DENND5A: variants seen among roughly 807,000 people sequenced by gnomAD.
DENND5A encodes DENN domain containing 5A.
DENND5A carries 64 observed loss-of-function variants against 140.3 expected under a neutral mutation model. The observed-to-expected ratio is 0.46, with a 90% CI of 0.37 to 0.56. The LOEUF (loss-of-function observed/expected upper bound fraction) is 0.56, where lower values mean the gene tolerates loss of function less well. Among genes scored for constraint, DENND5A ranks in the 20% least tolerant of loss-of-function variants. The pLI is 0.00. For synonymous variants in DENND5A, 605 were observed against 607.7 expected, an observed-to-expected ratio of 1.00 and a Z score of 0.07; for missense variants, 1,292 against 1,593.8, an observed-to-expected ratio of 0.81 and a Z score of 3.22.
At chr11:9,204,839 C>A (rs1284147873) in intron 3 of DENND5A, among the ~76,000 whole-genome samples, 1 of 152,104 alleles carries the variant, frequency 6.6e-6, no homozygotes, top group African/African-American at 2.4e-5. Context: ...CCAGCCTGAG[C>A]GACAGAGCAA....
At chr11:9,170,560 G>T in intron 9 of DENND5A, 67 bp downstream of exon 9, 1 of 1,585,642 alleles carries the variant, frequency 6.3e-7, no homozygotes, top group Non-Finnish European at 8.6e-7. Context: ...AACAGCCCTA[G>T]CCCAGATACT....
chr11:9,250,293 A>T (rs1221506862), intron 1 of DENND5A, among the ~76,000 whole-genome samples: 1 of 152,040 alleles, frequency 6.6e-6, no homozygotes, highest in Non-Finnish European at 1.5e-5. Context: ...AGTTTCTTAG[A>T]AGCAAACCCC....
chr11:9,220,106 A>T (rs1329945253), intron 1 of DENND5A, among the ~76,000 whole-genome samples: 1 of 152,232 alleles, frequency 6.6e-6, no homozygotes, highest in Non-Finnish European at 1.5e-5. Flanking sequence ...GTCAAAAAAC[A>T]AGGTGGTATA....
At chr11:9,224,535 A>G (rs561745669) in intron 1 of DENND5A, among the ~76,000 whole-genome samples, 3 of 152,230 alleles carry the variant, frequency 2.0e-5, no homozygotes, top group Admixed American at 6.5e-5. Flanking sequence ...TCACCTGATT[A>G]GCCAATCTAC....
intron 1 of DENND5A, among the ~76,000 whole-genome samples, chr11:9,261,644 G>A (rs1292050287): frequency 1.3e-5 from 2 of 151,948 alleles, no homozygotes; most frequent in African/African-American, 2.4e-5. Flanking sequence ...CTGATGTGGT[G>A]GCACGCGCGG....
rs546109321 is a variant in DENND5A, at chr11:9,170,191, T to C, written c.2058-242A>G. ...GAAACATCTACAAACACTTGACATA[T>C]AGATCTAAAACTATATTCACTTAAC... On this transcript the variant is annotated intron_variant, in intron 9 of 22. Transcript: ENST00000328194. 4.1e-5 allele frequency: 32 copies of C among 787,402 alleles called. No individual in the cohort carries two copies. The East Asian group carries it at 1.0e-3, about 25-fold the overall frequency. 48.8% of individuals were successfully genotyped at this position (787,402 alleles called of 1,614,324 possible).
rs181518538 is a variant in DENND5A at position 9,154,443 on chromosome 11, T to C, written c.2437-2001A>G. On this transcript the variant is annotated intron_variant, in intron 12 of 22. Coordinates refer to ENST00000328194, the MANE Select transcript of DENND5A (RefSeq NM_015213.4). ...GGAAAATTTTGTGCTATGGAATTAA[T>C]GTGAAGATTTAAGGTCTTAAGATAT... Among the ~76,000 whole-genome samples, 525 of 152,290 alleles carry C rather than the reference T, an allele frequency of 3.4e-3. 2 individuals are homozygous for C. Among genetic ancestry groups the C allele is most frequent in the Non-Finnish European group, 5.2e-3 (353 of 68,020 alleles).
At chr11:9,263,686 C>A (rs1274560122) in intron 1 of DENND5A, among the ~76,000 whole-genome samples, 6 of 145,680 alleles carry the variant, frequency 4.1e-5, no homozygotes, top group Non-Finnish European at 7.6e-5. Context: ...ACTAAAAATA[C>A]AAAAAATTAG....
At chr11:9,258,197 T>A (rs530231019) in intron 1 of DENND5A, among the ~76,000 whole-genome samples, 1 of 152,154 alleles carries the variant, frequency 6.6e-6, no homozygotes, top group South Asian at 2.1e-4. Flanking sequence ...GGTATACACA[T>A]GGCATGGCAT....
intron 7 of DENND5A, among the ~76,000 whole-genome samples, 162 bp downstream of exon 7, chr11:9,178,696 A>G (rs976970300): frequency 3.3e-5 from 5 of 152,212 alleles, no homozygotes; most frequent in African/African-American, 9.6e-5. Flanking sequence ...ACATCTATTC[A>G]TAAGCAACAA....
Position 9,139,669 on chromosome 11 carries a change from G to A in DENND5A, c.*2C>T. 2 of 1,612,734 alleles carry A rather than the reference G, an allele frequency of 1.2e-6. No individual in the cohort carries two copies. Among genetic ancestry groups the A allele is most frequent in the Non-Finnish European group, 1.7e-6 (2 of 1,179,460 alleles). On this transcript the variant is annotated 3_prime_UTR_variant, in exon 23 of 23. Transcript: ENST00000328194. ...GTCCTGCTGCTGGCTGGTGCTGGGA[G>A]GTCAGATGTCGATGCCCTTGACAAG...
At chr11:9,186,176 T>C (rs185447965) in intron 5 of DENND5A, among the ~76,000 whole-genome samples, 1 of 151,792 alleles carries the variant, frequency 6.6e-6, no homozygotes, top group East Asian at 1.9e-4. Flanking sequence ...ACTGTAAGAA[T>C]CACTTTAAAT....
chr11:9,224,298 G>T (rs544782923), intron 1 of DENND5A, among the ~76,000 whole-genome samples: 3 of 152,166 alleles, frequency 2.0e-5, no homozygotes, highest in Non-Finnish European at 4.4e-5. Context: ...GGTCTAGCAT[G>T]ATTCAACATA....
intron 1 of DENND5A, among the ~76,000 whole-genome samples, chr11:9,233,413 A>AG (rs1326040343): frequency 5.9e-5 from 9 of 151,856 alleles, no homozygotes; most frequent in African/African-American, 2.2e-4. Flanking sequence ...AAAAAAAAAA[A>AG]AAAAGAAATT....
chr11:9,160,120 CT>C (rs1174911605), intron 12 of DENND5A, among the ~76,000 whole-genome samples: 1 of 152,078 alleles, frequency 6.6e-6, no homozygotes, highest in African/African-American at 2.4e-5. Context: ...GATAAAACTT[CT>C]TTTCAAAAAA....
rs373694824 is a variant in DENND5A at position 9,180,948 on chromosome 11, T to C, written c.1274A>G (p.Asn425Ser). 76 of 1,614,052 alleles carry C rather than the reference T, an allele frequency of 4.7e-5. No homozygotes were observed. The highest frequency in any genetic ancestry group is 6.0e-5 in the Non-Finnish European group (71 of 1,180,034). ...LMAFGIPPEG[N>S]LHCSESASKL... ...GGAGGCACTCTCACTGCAATGAAGA[T>C]TCCCTTCAGGGGGAATTCCAAATGC... Residue 425 changes from asparagine to serine, a missense_variant, in exon 6 of 23, where the codon AAT becomes AGT. Transcript: ENST00000328194.
At position 9,196,859 on chromosome 11, in the gene DENND5A, C is replaced by T. The variant is rs896987113; in HGVS notation, c.950-3178G>A. ...CTTCTGATCTCAAGTGATCTGTCCT[C>T]CTTGGCCTCTCAAAGTGCTGGGATT... On this transcript the variant is annotated intron_variant, in intron 4 of 22. Coordinates refer to ENST00000328194, the MANE Select transcript of DENND5A (RefSeq NM_015213.4). Among the ~76,000 whole-genome samples, 8 of 151,932 alleles carry T rather than the reference C, an allele frequency of 5.3e-5. No homozygotes were observed. The South Asian group carries it at 1.5e-3, about 28-fold the overall frequency.
chr11:9,234,573 G>T (rs1850920727), intron 1 of DENND5A, among the ~76,000 whole-genome samples: 1 of 152,224 alleles, frequency 6.6e-6, no homozygotes, highest in Non-Finnish European at 1.5e-5. Context: ...CAAAATCTCT[G>T]CAGCACTGTG....
At chr11:9,162,245 T>C (rs967508590) in intron 11 of DENND5A, among the ~76,000 whole-genome samples, 1 of 144,984 alleles carries the variant, frequency 6.9e-6, no homozygotes, top group Non-Finnish European at 1.5e-5. Flanking sequence ...TTTTTTTTTT[T>C]TTTTTTTTTT....
Sources: allele counts gnomAD v4.1 joint callset (sites outside exome capture counted in the v4.1 genomes callset), GRCh38; gene constraint gnomAD v4.1.1; transcripts MANE v1.5; gene names NCBI Gene and HGNC (gene_info 2026-07-23, HGNC 2026-07-21).